NELL1: variants seen among roughly 807,000 people sequenced by gnomAD.
NELL1 encodes the protein neural EGFL like 1.
Under a neutral mutation model 107.4 loss-of-function variants are expected in NELL1, and 76 were observed. The ratio of observed to expected loss-of-function variants is 0.71; its 90% CI spans 0.59 to 0.86. The LOEUF (loss-of-function observed/expected upper bound fraction) is 0.86, where lower values mean the gene tolerates loss of function less well. Among genes scored for constraint, NELL1 ranks in the 40% least tolerant of loss-of-function variants. The probability of loss-of-function intolerance (pLI) is 0.00; values close to 1 mark genes in which losing one functional copy is unlikely to be tolerated. For synonymous variants in NELL1, 353 were observed against 341.2 expected, an observed-to-expected ratio of 1.03 and a Z score of -0.38; for missense variants, 1,024 against 1,005.5, an observed-to-expected ratio of 1.02 and a Z score of -0.25.
intron 4 of NELL1, among the ~76,000 whole-genome samples, chr11:20,872,508 G>A (rs1422591105): frequency 6.6e-6 from 1 of 152,136 alleles, no homozygotes. Context: ...GATTTCGTGA[G>A]GGGCTTATGA....
At chr11:21,406,621 T>C (rs566704628) in intron 15 of NELL1, among the ~76,000 whole-genome samples, 6 of 152,080 alleles carry the variant, frequency 3.9e-5, no homozygotes, top group Non-Finnish European at 8.8e-5. Flanking sequence ...TTAGCCATCC[T>C]ACAAATGTAT....
intron 5 of NELL1, among the ~76,000 whole-genome samples, chr11:20,886,304 A>G (rs1245751735): frequency 1.3e-5 from 2 of 152,180 alleles, no homozygotes; most frequent in African/African-American, 2.4e-5. Context: ...ATAAGGATAC[A>G]GTGATAAAAT....
chr11:21,488,551 A>C (rs1313556330), intron 15 of NELL1, among the ~76,000 whole-genome samples: 1 of 152,154 alleles, frequency 6.6e-6, no homozygotes, highest in Admixed American at 6.6e-5. Context: ...CTAGGATACC[A>C]GGTGGGCCAG....
At chr11:21,281,330 G>A (rs1387357461) in intron 14 of NELL1, among the ~76,000 whole-genome samples, 1 of 152,018 alleles carries the variant, frequency 6.6e-6, no homozygotes, top group African/African-American at 2.4e-5. Context: ...CTGTGGAAAC[G>A]GGAGGGAAGG....
At chr11:21,192,395 T>G (rs570410050) in intron 13 of NELL1, among the ~76,000 whole-genome samples, 3 of 151,892 alleles carry the variant, frequency 2.0e-5, no homozygotes, top group Non-Finnish European at 4.4e-5. Context: ...TAATTTTGAT[T>G]GATTATGCAT....
intron 2 of NELL1, among the ~76,000 whole-genome samples, chr11:20,731,560 T>C (rs1300856628): frequency 6.6e-6 from 1 of 152,218 alleles, no homozygotes; most frequent in Non-Finnish European, 1.5e-5. Flanking sequence ...TGTGTCTGCA[T>C]GGGCATGAGT....
At chr11:20,847,943 T>G (rs1053929656) in intron 4 of NELL1, among the ~76,000 whole-genome samples, 190 bp downstream of exon 4, 1 of 152,182 alleles carries the variant, frequency 6.6e-6, no homozygotes, top group Non-Finnish European at 1.5e-5. Context: ...AGAAAACAGT[T>G]CATTAAGATG....
At chr11:21,393,096 A>G (rs1851914513) in intron 15 of NELL1, among the ~76,000 whole-genome samples, 1 of 151,692 alleles carries the variant, frequency 6.6e-6, no homozygotes, top group African/African-American at 2.4e-5. Flanking sequence ...AATACGACCA[A>G]TGGAATGTAA....
chr11:21,436,211 C>T lies in NELL1; in HGVS notation c.1645+65263C>T, dbSNP rs140830831. ...GTGGGACTACAGGTGTGCGCCACCACGTCCAGCTAATTTTTGTATTTTTGG... is the reference window on the plus strand; with the variant it reads ...GTGGGACTACAGGTGTGCGCCACCATGTCCAGCTAATTTTTGTATTTTTGG... On this transcript the variant is annotated intron_variant, in intron 15 of 19. Transcript: ENST00000357134. 1.3e-3 allele frequency among the ~76,000 whole-genome samples: 199 copies of T among 152,152 alleles called. 1 individual carries two copies. Among genetic ancestry groups the T allele is most frequent in the Non-Finnish European group, 2.3e-3 (153 of 67,984 alleles).
chr11:21,101,193 A>T lies in NELL1; in HGVS notation c.1301-12396A>T, dbSNP rs539001006. On this transcript the variant is annotated intron_variant, in intron 12 of 19. Coordinates refer to ENST00000357134, the MANE Select transcript of NELL1 (RefSeq NM_006157.5). ...TCGTCATTTTTTATGGCTGCATAGTATTCCATGGTGTATATGTGCCACATT... is the reference window on the plus strand; with the variant it reads ...TCGTCATTTTTTATGGCTGCATAGTTTTCCATGGTGTATATGTGCCACATT... Among the ~76,000 whole-genome samples, 50 of 152,276 alleles carry T rather than the reference A, an allele frequency of 3.3e-4. 1 individual carries two copies. The South Asian group carries it at 1.0e-2, about 30-fold the overall frequency.
chr11:21,090,737 T>G (rs1854502157), intron 12 of NELL1, among the ~76,000 whole-genome samples: 2 of 152,194 alleles, frequency 1.3e-5, no homozygotes, highest in Non-Finnish European at 2.9e-5. Context: ...TTCTTTCTGT[T>G]AGGTGAGATT....
chr11:20,832,100 T>A (rs961628428), intron 3 of NELL1, among the ~76,000 whole-genome samples: 1 of 152,212 alleles, frequency 6.6e-6, no homozygotes, highest in Non-Finnish European at 1.5e-5. Context: ...CTGGTCTTAC[T>A]AATGGCCCCC....
intron 15 of NELL1, among the ~76,000 whole-genome samples, chr11:21,432,303 A>G (rs1344915971): frequency 6.6e-6 from 1 of 152,160 alleles, no homozygotes; most frequent in Admixed American, 6.6e-5. Context: ...CTATGAAAAT[A>G]AAAAGCAAAA....
At position 21,512,692 on chromosome 11, in the gene NELL1, TA is replaced by T. The variant is rs202209537; in HGVS notation, c.1646-21681del. Among the ~76,000 whole-genome samples the T allele has an allele frequency of 5.4e-3, 815 of 152,168 alleles. 20 individuals carry two copies. The highest frequency in any genetic ancestry group is 0.034 in the East Asian group (176 of 5,164). ...AAATAGTCTACAAGGCAAGATCGAT[TA>T]TCTTTATTTCAAAGACAAGGGAGAC... On this transcript the variant is annotated intron_variant, in intron 15 of 19. Transcript: ENST00000357134.
At chr11:21,563,049 T>A (rs571630948) in intron 17 of NELL1, among the ~76,000 whole-genome samples, 2 of 152,194 alleles carry the variant, frequency 1.3e-5, no homozygotes, top group East Asian at 1.9e-4. Flanking sequence ...TTTAGACACC[T>A]AGTTAATTAG....
chr11:20,705,604 G>C (rs1380319686), intron 2 of NELL1, among the ~76,000 whole-genome samples: 1 of 141,882 alleles, frequency 7.0e-6, no homozygotes, highest in East Asian at 1.9e-4. Flanking sequence ...CATAGGCGTG[G>C]GCAAGGACTT....
chr11:21,173,794 T>G (rs1238261480), intron 13 of NELL1, among the ~76,000 whole-genome samples: 1 of 151,622 alleles, frequency 6.6e-6, no homozygotes, highest in Admixed American at 6.6e-5. Context: ...TGTGACTGTC[T>G]GTGTGTTGCT....
chr11:21,483,172 G>A (rs73469139), intron 15 of NELL1, among the ~76,000 whole-genome samples: 14,846 of 151,922 alleles, frequency 0.098, 1,208 homozygotes, highest in African/African-American at 0.22. Flanking sequence ...CTGTATTGAT[G>A]GTGCAAGTCA....
At chr11:20,896,446 T>A (rs995066841) in intron 5 of NELL1, among the ~76,000 whole-genome samples, 3 of 152,218 alleles carry the variant, frequency 2.0e-5, no homozygotes, top group African/African-American at 7.2e-5. Flanking sequence ...ACCGTGTGTA[T>A]GTCTTTTTCA....
Sources: allele counts gnomAD v4.1 joint callset (sites outside exome capture counted in the v4.1 genomes callset), GRCh38; gene constraint gnomAD v4.1.1; transcripts MANE v1.5; gene names NCBI Gene and HGNC (gene_info 2026-07-23, HGNC 2026-07-21).